The following ADCY1 variants were observed in gnomAD, a reference collection of about 807,000 sequenced individuals.
ADCY1 encodes the protein adenylate cyclase 1, also known as adenylate cyclase type 1.
A neutral mutation model predicts 105.4 loss-of-function variants in ADCY1; 28 were observed. That is an observed-to-expected ratio of 0.27 (90% CI 0.20 to 0.36). ADCY1 has a LOEUF of 0.36. Ranked by LOEUF, ADCY1 falls within the 10% of genes least tolerant of loss-of-function variation. The pLI is 1.00. For synonymous variants in ADCY1, 655 were observed against 623.8 expected (o/e 1.05, Z -0.75); for missense variants, 977 against 1,434.2 (o/e 0.68, Z 5.15).
intron 4 of ADCY1, among the ~76,000 whole-genome samples, chr7:45,644,251 G>A (rs1794600615): frequency 6.6e-6 from 1 of 152,186 alleles, no homozygotes; most frequent in South Asian, 2.1e-4. Flanking sequence ...GAGCGGCCTG[G>A]GCATGTCAGA....
intron 2 of ADCY1, among the ~76,000 whole-genome samples, chr7:45,603,967 C>T (rs1445640864): frequency 6.6e-6 from 1 of 152,118 alleles, no homozygotes; most frequent in Admixed American, 6.5e-5. Flanking sequence ...TGAAGAATGT[C>T]TTGGTAGTTT....
At chr7:45,613,707 C>T (rs1363257868) in intron 3 of ADCY1, among the ~76,000 whole-genome samples, 1 of 152,064 alleles carries the variant, frequency 6.6e-6, no homozygotes, top group African/African-American at 2.4e-5. Context: ...CCAAAATTCA[C>T]ACCTAGATAC....
intron 4 of ADCY1, among the ~76,000 whole-genome samples, chr7:45,645,252 G>A (rs375565561): frequency 6.0e-4 from 92 of 152,200 alleles, no homozygotes; most frequent in African/African-American, 2.1e-3. Context: ...ATGCAGTGAC[G>A]GTCACACTTG....
chr7:45,576,670 G>A (rs887720430), intron 1 of ADCY1, among the ~76,000 whole-genome samples: 5 of 152,054 alleles, frequency 3.3e-5, no homozygotes, highest in African/African-American at 9.7e-5. Flanking sequence ...AGTCTCAGGG[G>A]GCATTCCTGT....
At chr7:45,642,111 G>A (rs1049866589) in intron 4 of ADCY1, among the ~76,000 whole-genome samples, 1 of 152,022 alleles carries the variant, frequency 6.6e-6, no homozygotes, top group Non-Finnish European at 1.5e-5. Context: ...AGACCAGAGG[G>A]CATGCATGCC....
At chr7:45,605,438 A>G (rs1022725894) in intron 2 of ADCY1, among the ~76,000 whole-genome samples, 1 of 152,284 alleles carries the variant, frequency 6.6e-6, no homozygotes, top group South Asian at 2.1e-4. Context: ...TGTTAGGTGT[A>G]GGCTTTTTCT....
chr7:45,692,571 G>A (rs1279394924), intron 14 of ADCY1, among the ~76,000 whole-genome samples: 1 of 152,182 alleles, frequency 6.6e-6, no homozygotes, highest in Non-Finnish European at 1.5e-5. Flanking sequence ...GCTAGGTGGG[G>A]TAAGTATGTC....
intron 4 of ADCY1, among the ~76,000 whole-genome samples, chr7:45,637,720 A>T (rs114091254): frequency 1.3e-5 from 2 of 152,308 alleles, no homozygotes; most frequent in African/African-American, 4.8e-5. Context: ...TTGAGACCCT[A>T]TGTGTGAAAA....
At chr7:45,691,576 C>T (rs1167921406) in intron 14 of ADCY1, among the ~76,000 whole-genome samples, 3 of 152,218 alleles carry the variant, frequency 2.0e-5, no homozygotes, top group African/African-American at 2.4e-5. Flanking sequence ...TCAGCCTCTT[C>T]GCCTGTAAAC....
intron 2 of ADCY1, among the ~76,000 whole-genome samples, chr7:45,598,546 A>G (rs1197197097): frequency 6.6e-6 from 1 of 152,244 alleles, no homozygotes; most frequent in Non-Finnish European, 1.5e-5. Context: ...AAAATAGATA[A>G]TAGGGAAATG....
At chr7:45,649,854 C>G (rs186546207) in intron 5 of ADCY1, among the ~76,000 whole-genome samples, 7 of 152,312 alleles carry the variant, frequency 4.6e-5, no homozygotes, top group Admixed American at 2.6e-4. Flanking sequence ...GATGGTAGCT[C>G]CACCTCAAGA....
At chr7:45,712,674 C>T (rs556026689) in intron 19 of ADCY1, among the ~76,000 whole-genome samples, 1 of 152,128 alleles carries the variant, frequency 6.6e-6, no homozygotes, top group African/African-American at 2.4e-5. Flanking sequence ...ACAAACGATG[C>T]CAGGGTTTGA....
intron 8 of ADCY1, among the ~76,000 whole-genome samples, chr7:45,665,584 C>T (rs1458426193): frequency 6.6e-6 from 1 of 152,242 alleles, no homozygotes; most frequent in East Asian, 1.9e-4. Context: ...ATAAAAGCAA[C>T]ATCCACACAT....
intron 8 of ADCY1, among the ~76,000 whole-genome samples, chr7:45,669,179 A>C (rs1398124644): frequency 6.6e-6 from 1 of 152,096 alleles, no homozygotes; most frequent in Non-Finnish European, 1.5e-5. Flanking sequence ...TAGCTTTTGA[A>C]TGTGTTTGCT....
intron 2 of ADCY1, among the ~76,000 whole-genome samples, chr7:45,604,118 T>C (rs1371246402): frequency 6.6e-6 from 1 of 152,222 alleles, no homozygotes; most frequent in Non-Finnish European, 1.5e-5. Flanking sequence ...TTTAGGTTAC[T>C]GAGAAATAGT....
At chr7:45,675,219 T>C (rs1293331281) in intron 8 of ADCY1, among the ~76,000 whole-genome samples, 1 of 152,202 alleles carries the variant, frequency 6.6e-6, no homozygotes, top group Non-Finnish European at 1.5e-5. Context: ...TTGTAGTTTA[T>C]CTAGATATGT....
At chr7:45,593,752 A>G (rs983650864) in intron 2 of ADCY1, among the ~76,000 whole-genome samples, 3 of 152,252 alleles carry the variant, frequency 2.0e-5, no homozygotes, top group Non-Finnish European at 4.4e-5. Flanking sequence ...AATATAAGGT[A>G]TTATACCAAA....
In ADCY1 at chr7:45,609,260, C is replaced by T. The variant is rs116987640; in HGVS notation, c.790-1119C>T. ...CGAGAAAGTCACACAGGATGGAGGC[C>T]GCTCCTGGGTCAGGGATGTAGCCTG... On this transcript the variant is annotated intron_variant, in intron 2 of 19. Coordinates refer to ENST00000297323, the MANE Select transcript of ADCY1 (RefSeq NM_021116.4). Among the ~76,000 whole-genome samples, 488 of 152,246 alleles carry T rather than the reference C, an allele frequency of 3.2e-3. 16 individuals carry two copies. The South Asian group carries it at 0.045, about 14-fold the overall frequency.
chr7:45,598,155 A>G (rs917447943), intron 2 of ADCY1, among the ~76,000 whole-genome samples: 2 of 152,222 alleles, frequency 1.3e-5, no homozygotes, highest in Non-Finnish European at 2.9e-5. Context: ...TCTGCTTAAT[A>G]AATCTGAGAA....
Sources: gnomAD v4.1 joint callset for allele counts (sites outside exome capture counted in the v4.1 genomes callset) on GRCh38, gnomAD v4.1.1 for gene constraint, MANE v1.5 for transcripts, NCBI Gene and HGNC (gene_info 2026-07-23, HGNC 2026-07-21) for gene names.